Variants in LEKR1 observed in about 807,000 individuals in gnomAD.
LEKR1 encodes protein LEKR1.
A neutral mutation model predicts 72.4 loss-of-function variants in LEKR1; 59 were observed. That is an observed-to-expected ratio of 0.82 (90% CI 0.66 to 1.01). The LOEUF is 1.01. Among genes scored for constraint, LEKR1 ranks in the 50% least tolerant of loss-of-function variants. The pLI is 0.00. For synonymous variants in LEKR1, 257 were observed against 263.2 expected (o/e 0.98, Z 0.23); for missense variants, 728 against 759.2 (o/e 0.96, Z 0.48).
chr3:156,928,636 A>T (rs1025604061), intron 5 of LEKR1, among the ~76,000 whole-genome samples: 3 of 152,070 alleles, frequency 2.0e-5, no homozygotes, highest in African/African-American at 7.2e-5. Flanking sequence ...TCTGAGAAGT[A>T]AGGGGATATC....
At chr3:156,928,036 A>T (rs1262985109) in intron 5 of LEKR1, among the ~76,000 whole-genome samples, 1 of 152,056 alleles carries the variant, frequency 6.6e-6, no homozygotes. Context: ...TAAGTGAAAG[A>T]TGCCAATTTG....
At position 157,024,806 on chromosome 3, in the gene LEKR1, T is replaced by C; in HGVS notation, c.1250T>C (p.Phe417Ser). ...AKERAQHLVE[F>S]EEQALLFKEE... ...GAAAGGGCCCAACACTTGGTTGAAT[T>C]TGAAGAGCAAGCTCTTCTCTTTAAG... The change falls in exon 11 of 13, where the codon TTT becomes TCT. Residue 417 changes from phenylalanine to serine, a missense_variant. Transcript: ENST00000356539. 1 of 1,611,790 alleles carries C rather than the reference T, an allele frequency of 6.2e-7. No individual in the cohort carries two copies. Among genetic ancestry groups the C allele is most frequent in the Non-Finnish European group, 8.5e-7 (1 of 1,179,254 alleles).
intron 3 of LEKR1, among the ~76,000 whole-genome samples, chr3:156,900,696 G>C (rs1301263607): frequency 2.0e-5 from 3 of 152,168 alleles, no homozygotes; most frequent in Non-Finnish European, 4.4e-5. Flanking sequence ...TTTCCTAATT[G>C]TTTGCTAGAG....
chr3:156,859,505 A>G (rs926362654), intron 3 of LEKR1, among the ~76,000 whole-genome samples: 3 of 152,166 alleles, frequency 2.0e-5, no homozygotes, highest in African/African-American at 7.2e-5. Flanking sequence ...AAGTTTTCAT[A>G]TAACACAGTC....
chr3:157,005,790 A>G (rs368970385), intron 9 of LEKR1, among the ~76,000 whole-genome samples: 1 of 152,204 alleles, frequency 6.6e-6, no homozygotes, highest in South Asian at 2.1e-4. Context: ...AAGGATCTAT[A>G]TAATAAAGGA....
At chr3:156,837,381 G>A (rs1713289897) in intron 2 of LEKR1, among the ~76,000 whole-genome samples, 1 of 152,222 alleles carries the variant, frequency 6.6e-6, no homozygotes. Context: ...GACATGAACT[G>A]AAAAATTCCT....
intron 3 of LEKR1, among the ~76,000 whole-genome samples, chr3:156,870,469 T>C (rs1290660658): frequency 6.6e-6 from 1 of 152,130 alleles, no homozygotes; most frequent in Admixed American, 6.6e-5. Context: ...AGAATTGGCT[T>C]CTTGATTTCT....
At chr3:156,913,036 C>A (rs1373124761) in intron 3 of LEKR1, among the ~76,000 whole-genome samples, 2 of 152,070 alleles carry the variant, frequency 1.3e-5, no homozygotes, top group Non-Finnish European at 2.9e-5. Context: ...TGCATTGCTT[C>A]TTGGAAAAAA....
chr3:156,940,182 G>A (rs1224916432), intron 5 of LEKR1, among the ~76,000 whole-genome samples: 3 of 152,008 alleles, frequency 2.0e-5, no homozygotes, highest in African/African-American at 7.3e-5. Context: ...AAGACATCAT[G>A]GTAGAAATTA....
chr3:156,891,252 C>T (rs1419220759), intron 3 of LEKR1, among the ~76,000 whole-genome samples: 1 of 152,116 alleles, frequency 6.6e-6, no homozygotes, highest in Non-Finnish European at 1.5e-5. Context: ...TATACTGTTA[C>T]ATTTCAGAAG....
chr3:156,989,100 A>G (rs548703840), intron 7 of LEKR1, among the ~76,000 whole-genome samples: 1 of 152,266 alleles, frequency 6.6e-6, no homozygotes, highest in East Asian at 1.9e-4. Flanking sequence ...AAGTGCTGGG[A>G]TTACAGGTGT....
chr3:156,846,817 G>GTATT (rs1197003172), intron 2 of LEKR1, among the ~76,000 whole-genome samples: 17 of 152,002 alleles, frequency 1.1e-4, no homozygotes, highest in African/African-American at 3.4e-4. Flanking sequence ...ATGTATGTAT[G>GTATT]TATTTATTTA....
In LEKR1 at chr3:157,028,130, A is replaced by G; in HGVS notation, c.1396A>G (p.Arg466Gly). The G allele has an allele frequency of 6.3e-7, 1 of 1,593,992 alleles. No individual in the cohort carries two copies. Among genetic ancestry groups the G allele is most frequent in the Non-Finnish European group, 8.6e-7 (1 of 1,168,818 alleles). ...KISDLITGATRDLRQEVTTLK... is the reference protein window; with the variant it reads ...KISDLITGATGDLRQEVTTLK... ...ATCTGACTTAATCACAGGCGCTACAAGAGATCTAAGGCAGGAAGTGACCAC... is the reference window on the plus strand; with the variant it reads ...ATCTGACTTAATCACAGGCGCTACAGGAGATCTAAGGCAGGAAGTGACCAC... Residue 466 changes from arginine to glycine, a missense_variant, in exon 12 of 13, where the codon AGA (arginine) becomes GGA (glycine). Transcript: ENST00000356539.
intron 6 of LEKR1, among the ~76,000 whole-genome samples, chr3:156,950,239 G>A (rs1309625502): frequency 1.3e-5 from 2 of 151,334 alleles, no homozygotes; most frequent in African/African-American, 4.8e-5. Flanking sequence ...GATTACTACA[G>A]CCTGGTAGTA....
At chr3:156,911,488 G>A (rs1181625380) in intron 3 of LEKR1, among the ~76,000 whole-genome samples, 1 of 152,044 alleles carries the variant, frequency 6.6e-6, no homozygotes, top group Non-Finnish European at 1.5e-5. Flanking sequence ...CTTTTGCTGT[G>A]CAGAAGCTCT....
At chr3:156,906,437 C>T (rs1026186180) in intron 3 of LEKR1, among the ~76,000 whole-genome samples, 2 of 152,172 alleles carry the variant, frequency 1.3e-5, no homozygotes, top group African/African-American at 4.8e-5. Flanking sequence ...GTGCAGGACT[C>T]TCTCCACTAG....
At chr3:156,995,789 G>A (rs940327741) in intron 9 of LEKR1, among the ~76,000 whole-genome samples, 1 of 152,110 alleles carries the variant, frequency 6.6e-6, no homozygotes. Context: ...CTGAGATCAC[G>A]CCATTGTCCA....
chr3:156,890,601 A>G (rs919623351), intron 3 of LEKR1, among the ~76,000 whole-genome samples: 4 of 152,168 alleles, frequency 2.6e-5, no homozygotes, highest in African/African-American at 7.2e-5. Context: ...AATATTTCCA[A>G]TGTAAAAATG....
At position 157,024,787 on chromosome 3, in the gene LEKR1, G is replaced by A. The variant is rs183657850; in HGVS notation, c.1231G>A (p.Ala411Thr). The A allele has an allele frequency of 5.3e-5, 85 of 1,610,716 alleles. No homozygotes were observed. The East Asian group carries it at 1.8e-3, about 34-fold the overall frequency. Reference sequence around the variant, plus strand: ...TGAAGCAGAACTTGCCAAGGAAAGGGCCCAACACTTGGTTGAATTTGAAGA... The same window carrying A: ...TGAAGCAGAACTTGCCAAGGAAAGGACCCAACACTTGGTTGAATTTGAAGA... ...KIEAELAKER[A>T]QHLVEFEEQA... Residue 411 changes from alanine (A) to threonine (T), a missense_variant, in exon 11 of 13, where the codon GCC becomes ACC. Coordinates refer to ENST00000356539, the MANE Select transcript of LEKR1 (RefSeq NM_001004316.3).
Sources: allele counts gnomAD v4.1 joint callset (sites outside exome capture counted in the v4.1 genomes callset), GRCh38; gene constraint gnomAD v4.1.1; transcripts MANE v1.5; gene names NCBI Gene and HGNC (gene_info 2026-07-23, HGNC 2026-07-21).